ARHGAP24: variants seen among roughly 807,000 people sequenced by gnomAD.
The protein encoded by ARHGAP24 is Rho GTPase activating protein 24.
ARHGAP24 carries 50 observed loss-of-function variants against 76.4 expected under a neutral mutation model. The observed-to-expected ratio is 0.65, with a 90% CI of 0.52 to 0.83. The LOEUF is 0.83. Among genes scored for constraint, ARHGAP24 ranks in the 40% least tolerant of loss-of-function variants. The pLI, the probability that ARHGAP24 is intolerant of heterozygous loss-of-function variation, is 0.00. For synonymous variants in ARHGAP24, 345 were observed against 323.3 expected, an observed-to-expected ratio of 1.07 and a Z score of -0.72; for missense variants, 930 against 914.2, an observed-to-expected ratio of 1.02 and a Z score of -0.22.
At position 85,584,849 on chromosome 4, in the gene ARHGAP24, G is replaced by A. The variant is rs187949226; in HGVS notation, c.180+14128G>A. Among the ~76,000 whole-genome samples, 171 of 152,178 alleles carry A rather than the reference G, an allele frequency of 1.1e-3. 1 individual carries two copies. Among genetic ancestry groups the A allele is most frequent in the Non-Finnish European group, 2.1e-3 (146 of 68,004 alleles). On this transcript the variant is annotated intron_variant, in intron 2 of 9. Transcript: ENST00000395184. ...CCTGCTGAAGAACCCTATCCTCTTT[G>A]AAATCATGACAATTTAGAGGCATCC...
chr4:85,972,296 C>T, intron 6 of ARHGAP24, 128 bp downstream of exon 6: 1 of 1,244,620 alleles, frequency 8.0e-7, no homozygotes, highest in South Asian at 1.3e-5. Context: ...GAATTGACCT[C>T]ACACACACTG....
At chr4:85,548,156 C>T (rs1023203778) in intron 1 of ARHGAP24, among the ~76,000 whole-genome samples, 7 of 152,172 alleles carry the variant, frequency 4.6e-5, no homozygotes, top group African/African-American at 1.7e-4. Context: ...TTTGATACCT[C>T]CCCATCATTC....
chr4:85,888,538 C>T (rs11721405), intron 3 of ARHGAP24, among the ~76,000 whole-genome samples: 110,941 of 151,854 alleles, frequency 0.73, 43,421 homozygotes, highest in Non-Finnish European at 0.89. Flanking sequence ...AGTTTAAACT[C>T]TGTTTGTTTG....
chr4:85,923,657 G>A lies in ARHGAP24; in HGVS notation c.278G>A (p.Arg93Gln), dbSNP rs754847297. The change falls in exon 4 of 10, where the codon CGA becomes CAA. Residue 93 changes from arginine to glutamine, a missense_variant. Coordinates refer to ENST00000395184, the MANE Select transcript of ARHGAP24 (RefSeq NM_001025616.3). ...FLFEVVPGGD[R>Q]DRMTANHESY... ...TACTGTGTTTTCACAGGAGGCGATC[G>A]AGATCGGATGACAGCAAATCATGAA... The A allele has an allele frequency of 1.2e-6, 2 of 1,613,676 alleles. No individual in the cohort carries two copies. The highest frequency in any genetic ancestry group is 1.7e-6 in the Non-Finnish European group (2 of 1,179,802).
intron 3 of ARHGAP24, among the ~76,000 whole-genome samples, chr4:85,835,368 G>C (rs1463654824): frequency 2.6e-5 from 4 of 151,786 alleles, no homozygotes; most frequent in Admixed American, 2.0e-4. Context: ...GACCATCCTA[G>C]CTAACACGGT....
chr4:85,495,049 C>A (rs1018227493), intron 1 of ARHGAP24, among the ~76,000 whole-genome samples: 1 of 144,764 alleles, frequency 6.9e-6, no homozygotes, highest in African/African-American at 2.6e-5. Context: ...GAGCCGAGAT[C>A]GCGCCACTGC....
At chr4:85,667,863 A>AT (rs991849912) in intron 2 of ARHGAP24, among the ~76,000 whole-genome samples, 5 of 152,112 alleles carry the variant, frequency 3.3e-5, no homozygotes, top group African/African-American at 1.2e-4. Flanking sequence ...TTTAATTGCT[A>AT]TTTTTTTCTC....
chr4:85,559,640 C>T (rs900047792), intron 1 of ARHGAP24, among the ~76,000 whole-genome samples: 4 of 152,176 alleles, frequency 2.6e-5, no homozygotes, highest in African/African-American at 9.7e-5. Flanking sequence ...GTGGAGTACA[C>T]ACAAAAGCTT....
intron 3 of ARHGAP24, among the ~76,000 whole-genome samples, chr4:85,785,170 C>A (rs151289777): frequency 6.6e-6 from 1 of 152,208 alleles, no homozygotes; most frequent in South Asian, 2.1e-4. Context: ...TAATGAATAA[C>A]CTATGTCAAA....
At position 85,590,184 on chromosome 4, in the gene ARHGAP24, GCCTGCCTGCCTTCCTTCCTTCCTTCCTT is replaced by G. The variant is rs1220298526; in HGVS notation, c.180+19467_180+19494del. ...TTTCTGCCTGCCTGCCTGCCTGCCT[GCCTGCCTGCCTTCCTTCCTTCCTTCCTT>G]CCTTCCTTCCTTCCTTCCTTCCTTC... On this transcript the variant is annotated intron_variant, in intron 2 of 9. Coordinates refer to ENST00000395184, the MANE Select transcript of ARHGAP24 (RefSeq NM_001025616.3). Among the ~76,000 whole-genome samples the G allele has an allele frequency of 1.0e-4, 11 of 108,220 alleles. No individual in the cohort carries two copies. In the East Asian group the frequency reaches 8.4e-3, roughly 83 times the overall value. 71.0% of individuals were successfully genotyped at this position (108,220 alleles called of 152,430 possible).
intron 1 of ARHGAP24, among the ~76,000 whole-genome samples, chr4:85,539,287 G>C (rs1256683634): frequency 6.6e-6 from 1 of 152,092 alleles, no homozygotes; most frequent in Non-Finnish European, 1.5e-5. Context: ...CTTTACTAGA[G>C]AAATAAAAGG....
In ARHGAP24 at chr4:85,974,955, T is replaced by C. The variant is rs577001779; in HGVS notation, c.800T>C (p.Ile267Thr). The change falls in exon 7 of 10, where the codon ATT (isoleucine) becomes ACT (threonine). Residue 267 changes from isoleucine to threonine, a missense_variant. By Grantham distance (89) the Ile-to-Thr change is moderately conservative. Transcript: ENST00000395184. ...PVVNYNLLKY[I>T]CRFLDEVQSY... ...GTAAATTACAACCTCCTCAAGTATA[T>C]TTGCAGGTAAGAACTGTCCTAAGGA... The C allele has an allele frequency of 4.3e-6, 7 of 1,613,648 alleles. No individual in the cohort carries two copies. The Admixed American group carries it at 1.2e-4, about 27-fold the overall frequency.
chr4:85,513,553 T>A (rs993073709), intron 1 of ARHGAP24, among the ~76,000 whole-genome samples: 7 of 138,960 alleles, frequency 5.0e-5, no homozygotes, highest in Non-Finnish European at 7.7e-5. Flanking sequence ...ATGATTGCCT[T>A]TTTTTTAAAA....
At chr4:85,926,437 A>T (rs1312764448) in intron 4 of ARHGAP24, among the ~76,000 whole-genome samples, 1 of 152,226 alleles carries the variant, frequency 6.6e-6, no homozygotes, top group East Asian at 1.9e-4. Flanking sequence ...TTCTCTGAAT[A>T]TCAGAGTTTG....
chr4:85,616,961 T>A (rs777855668), intron 2 of ARHGAP24, among the ~76,000 whole-genome samples: 2 of 151,764 alleles, frequency 1.3e-5, no homozygotes, highest in African/African-American at 4.8e-5. Flanking sequence ...TTTCTTTAGA[T>A]CTCAGATTAT....
At chr4:85,931,181 C>A in intron 4 of ARHGAP24, 2 of 843,718 alleles carry the variant, frequency 2.4e-6, no homozygotes, top group Non-Finnish European at 3.5e-6. Flanking sequence ...TTGTGCGTAT[C>A]CTTGCTTGTC....
At chr4:85,506,773 T>TGA (rs1368621323) in intron 1 of ARHGAP24, among the ~76,000 whole-genome samples, 1 of 151,962 alleles carries the variant, frequency 6.6e-6, no homozygotes, top group Non-Finnish European at 1.5e-5. Context: ...CCAGCCCCAG[T>TGA]GAGATGAACC....
At chr4:85,485,386 T>A (rs1277843304) in intron 1 of ARHGAP24, among the ~76,000 whole-genome samples, 925 of 42,434 alleles carry the variant, frequency 0.022, 19 homozygotes, top group East Asian at 0.033. Context: ...AATATATATA[T>A]ATATATATAT....
rs545692086 is a variant in ARHGAP24, at chr4:85,971,787, C to G, written c.600-249C>G. 2.0e-5 allele frequency among the ~76,000 whole-genome samples: 3 copies of G among 151,962 alleles called. No homozygotes were observed. The South Asian group carries it at 6.3e-4, about 32-fold the overall frequency. The stretch of plus-strand genomic sequence containing the variant: ...CCCACCCACGGACACATACACTTAT[C>G]CCTCCCAACCTCTGGTAGCCATCAT... On this transcript the variant is annotated intron_variant, in intron 5 of 9. Transcript: ENST00000395184.
Sources: allele counts gnomAD v4.1 joint callset (sites outside exome capture counted in the v4.1 genomes callset), GRCh38; gene constraint gnomAD v4.1.1; transcripts MANE v1.5; gene names NCBI Gene and HGNC (gene_info 2026-07-23, HGNC 2026-07-21).